Variants in LRRC75B observed in about 807,000 individuals in gnomAD.
LRRC75B encodes leucine-rich repeat-containing protein 75B.
In LRRC75B, 20 loss-of-function variants were observed where a neutral mutation model predicts 16.5. That is an observed-to-expected ratio of 1.21 (90% CI 0.85 to 1.76). The LOEUF (loss-of-function observed/expected upper bound fraction) is 1.76. LRRC75B is among the 40% of genes most tolerant of loss of function. The probability of loss-of-function intolerance (pLI) is 0.00; values close to 1 mark genes in which losing one functional copy is unlikely to be tolerated. For synonymous variants in LRRC75B, 199 were observed against 198.1 expected, an observed-to-expected ratio of 1.00 and a Z score of -0.04; for missense variants, 406 against 417.0, an observed-to-expected ratio of 0.97 and a Z score of 0.23.
chr22:24,588,985 T>G, intron 2 of LRRC75B: 1 of 1,011,350 alleles, frequency 9.9e-7, no homozygotes. Context: ...ATCCAGTCCC[T>G]CTGTGAGCAG....
chr22:24,590,566 T>G (rs1477116857), intron 1 of LRRC75B, among the ~76,000 whole-genome samples: 4 of 152,118 alleles, frequency 2.6e-5, no homozygotes, highest in Admixed American at 2.6e-4. Flanking sequence ...GTGGGATTCT[T>G]TGGGGTCTTT....
At chr22:24,587,707 G>T (rs2045439509) in intron 3 of LRRC75B, among the ~76,000 whole-genome samples, 6 of 152,230 alleles carry the variant, frequency 3.9e-5, no homozygotes, top group Admixed American at 2.0e-4. Flanking sequence ...AGCCACGGAA[G>T]CCTCAGTTTT....
chr22:24,586,496 C>A (rs2045397626), intron 3 of LRRC75B, 85 bp from the exon 4 acceptor site: 1 of 1,391,530 alleles, frequency 7.2e-7, no homozygotes, highest in Middle Eastern at 2.0e-4. Context: ...CGGGAACAGC[C>A]CAGGCCTACA....
In LRRC75B at chr22:24,592,887, C is replaced by T; in HGVS notation, c.153G>A (p.Arg51=). The part of the protein sequence containing the change: ...TLRERRPERA[R]QLLRLLRQDL... Reference sequence around the variant, plus strand: ...CCTGGCGCAGGAGGCGCAGCAGCTGCCGGGCGCGCTCCGGCCGCCGCTCGC... The same window carrying T: ...CCTGGCGCAGGAGGCGCAGCAGCTGTCGGGCGCGCTCCGGCCGCCGCTCGC... Residue 51 remains arginine, a synonymous_variant, in exon 1 of 4, where the codon CGG becomes CGA. Transcript: ENST00000318753. 7.8e-7 allele frequency: 1 copy of T among 1,281,770 alleles called. No individual in the cohort carries two copies. Among genetic ancestry groups the T allele is most frequent in the Non-Finnish European group, 9.9e-7 (1 of 1,014,098 alleles). 79.4% of individuals were successfully genotyped at this position (1,281,770 alleles called of 1,614,324 possible). A position where few individuals can be genotyped will look rare whatever the true frequency, so the allele number is the denominator to read the frequency against.
intron 2 of LRRC75B, chr22:24,589,013 A>C: frequency 9.8e-7 from 1 of 1,022,872 alleles, no homozygotes; most frequent in Non-Finnish European, 1.2e-6. Context: ...AGCAGGCAGC[A>C]CACACAGCAG....
intron 2 of LRRC75B, 76 bp from the exon 3 acceptor site, chr22:24,588,405 G>A (rs1601589916): frequency 1.7e-6 from 2 of 1,165,226 alleles, no homozygotes; most frequent in East Asian, 2.4e-5. Flanking sequence ...GAGGGACCCA[G>A]GCAGCCAAGT....
chr22:24,592,038 C>G (rs945801175), intron 1 of LRRC75B, among the ~76,000 whole-genome samples: 6 of 152,224 alleles, frequency 3.9e-5, no homozygotes. Flanking sequence ...CATTTCTAAT[C>G]TACCTTCTGC....
rs112636236 is a variant in LRRC75B at position 24,587,768 on chromosome 22, G to A, written c.422+446C>T. ...TCCCAACAAGGTACAGGAAAATCAG[G>A]GTAGAGTGTGGCCTTAGGCAAGCCA... On this transcript the variant is annotated intron_variant, in intron 3 of 3. Coordinates refer to ENST00000318753, the MANE Select transcript of LRRC75B (RefSeq NM_207644.3). Among the ~76,000 whole-genome samples the A allele has an allele frequency of 9.3e-3, 1,409 of 152,296 alleles. 21 individuals carry two copies. The highest frequency in any genetic ancestry group is 0.031 in the African/African-American group (1,290 of 41,548).
At chr22:24,588,078 G>A in intron 3 of LRRC75B, 136 bp downstream of exon 3, 1 of 682,536 alleles carries the variant, frequency 1.5e-6, no homozygotes, top group South Asian at 1.7e-5. Flanking sequence ...TTCCAGGGTA[G>A]GGCCCTCATG....
intron 1 of LRRC75B, chr22:24,592,431 A>AG (rs1253357211): frequency 2.1e-6 from 1 of 469,958 alleles, no homozygotes; most frequent in Non-Finnish European, 4.4e-6. Flanking sequence ...ATCCTGGAGG[A>AG]GGGGGAAGTT....
intron 3 of LRRC75B, among the ~76,000 whole-genome samples, chr22:24,587,148 A>G (rs2045418537): frequency 1.3e-5 from 2 of 152,024 alleles, no homozygotes; most frequent in Non-Finnish European, 2.9e-5. Flanking sequence ...TCTGATGTCG[A>G]TTCTTTTAGG....
chr22:24,589,590 G>T, intron 2 of LRRC75B: 1 of 535,954 alleles, frequency 1.9e-6, no homozygotes, highest in Non-Finnish European at 3.0e-6. Flanking sequence ...ACAGAAAATG[G>T]GTCTGCCCAG....
chr22:24,585,753 G>A lies in LRRC75B; in HGVS notation c.*133C>T. On this transcript the variant is annotated 3_prime_UTR_variant, in exon 4 of 4. Transcript: ENST00000318753. Reference sequence around the variant, plus strand: ...TGGCCACCTATGAGTCCATTCTTCTGTCCCCTTAATCTCAGGCTGAGCATT... The same window carrying A: ...TGGCCACCTATGAGTCCATTCTTCTATCCCCTTAATCTCAGGCTGAGCATT... The A allele has an allele frequency of 2.0e-6, 2 of 1,009,402 alleles. No individual in the cohort carries two copies. The highest frequency in any genetic ancestry group is 1.4e-6 in the Non-Finnish European group (1 of 710,514). The allele number at this position is 1,009,402 out of a possible 1,614,324, so 62.5% of individuals were successfully genotyped here.
At chr22:24,591,402 T>G (rs561016730) in intron 1 of LRRC75B, among the ~76,000 whole-genome samples, 1 of 152,250 alleles carries the variant, frequency 6.6e-6, no homozygotes, top group East Asian at 1.9e-4. Flanking sequence ...TAGAGGACAT[T>G]TTGAGAGCTG....
intron 1 of LRRC75B, chr22:24,592,305 T>C (rs1322904056): frequency 8.5e-6 from 4 of 469,414 alleles, no homozygotes; most frequent in African/African-American, 2.0e-5. Context: ...ATGAGCCGCC[T>C]GTTGGAGAAC....
In LRRC75B at chr22:24,586,127, G is replaced by A. The variant is rs1247141334; in HGVS notation, c.707C>T (p.Thr236Ile). The stretch of plus-strand genomic sequence containing the variant: ...CACCCAAGCCAAAGCAGGGAACTTG[G>A]TGGTGTCCTTGATGGCATCAGTGAG... ...RKLTDAIKDT[T>I]KFPALAWVDL... Residue 236 changes from threonine (T) to isoleucine (I), a missense_variant, in exon 4 of 4, where the codon ACC (threonine) becomes ATC (isoleucine). By Grantham distance (89) the Thr-to-Ile change is moderately conservative. Coordinates refer to ENST00000318753, the MANE Select transcript of LRRC75B (RefSeq NM_207644.3). 2.5e-6 allele frequency: 4 copies of A among 1,613,244 alleles called. No individual in the cohort carries two copies. The highest frequency in any genetic ancestry group is 1.7e-6 in the Non-Finnish European group (2 of 1,179,968).
rs1334943325 is a variant in LRRC75B at position 24,586,284 on chromosome 22, C to A, written c.550G>T (p.Val184Leu). 8 of 1,613,984 alleles carry A rather than the reference C, an allele frequency of 5.0e-6. No homozygotes were observed. In the South Asian group the frequency reaches 6.6e-5, roughly 13 times the overall value. Residue 184 changes from valine (V) to leucine (L), a missense_variant, in exon 4 of 4, where the codon GTG becomes TTG. By Grantham distance (32) the Val-to-Leu change is conservative (BLOSUM62 1). Coordinates refer to ENST00000318753, the MANE Select transcript of LRRC75B (RefSeq NM_207644.3). The part of the protein sequence containing the change: ...YLSSHGAVLA[V>L]LDLSFTGLSD... ...AGCCCCGTGAAGCTCAGGTCCAGCA[C>A]CGCCAGCACAGCACCATGGCTGCTC...
At chr22:24,590,636 T>C (rs911340894) in intron 1 of LRRC75B, among the ~76,000 whole-genome samples, 1 of 152,158 alleles carries the variant, frequency 6.6e-6, no homozygotes, top group Non-Finnish European at 1.5e-5. Flanking sequence ...TGTCCCCCAG[T>C]GTTCCCTTCA....
intron 2 of LRRC75B, chr22:24,588,983 C>A: frequency 9.9e-7 from 1 of 1,009,838 alleles, no homozygotes; most frequent in Non-Finnish European, 1.2e-6. Context: ...TTATCCAGTC[C>A]CTCTGTGAGC....
Sources: allele counts gnomAD v4.1 joint callset (sites outside exome capture counted in the v4.1 genomes callset), GRCh38; gene constraint gnomAD v4.1.1; transcripts MANE v1.5; gene names NCBI Gene and HGNC (gene_info 2026-07-23, HGNC 2026-07-21).